Variants in CYSLTR1 observed in about 807,000 individuals in gnomAD.
The protein encoded by CYSLTR1 is cysteinyl leukotriene receptor 1.
CYSLTR1 carries 1 observed loss-of-function variant against 2.1 expected under a neutral mutation model. The observed-to-expected ratio is 0.48, with a 90% CI of 0.17 to 2.28. The LOEUF (loss-of-function observed/expected upper bound fraction) is 2.28, where lower values mean the gene tolerates loss of function less well. Ranked by LOEUF, CYSLTR1 falls within the 30% of genes most tolerant of loss-of-function variation. The pLI is 0.26. For synonymous variants in CYSLTR1, 110 were observed against 89.6 expected, an observed-to-expected ratio of 1.23 and a Z score of -1.28; for missense variants, 299 against 250.1, an observed-to-expected ratio of 1.20 and a Z score of -1.32.
rs1921326644 is a variant in CYSLTR1 at position 78,272,780 on chromosome X, T to A, written c.967A>T (p.Lys323Ter). The change falls in exon 3 of 3, where the codon AAG becomes TAG. Residue 323 changes from lysine (K) to a stop codon, truncating the protein, a stop_gained. Coordinates refer to ENST00000373304, the MANE Select transcript of CYSLTR1 (RefSeq NM_006639.4). LOFTEE classifies it high-confidence loss of function. ...SLSSVTYVPR[K>*]KASLPEKGEE... ...CCTTTTTCTGGCAAAGAGGCCTTCT[T>A]TCTGGGTACATAAGTCACGCTGGAC... 8.3e-7 allele frequency: 1 copy of A among 1,205,840 alleles called. No homozygotes were observed. The highest frequency in any genetic ancestry group is 1.1e-6 in the Non-Finnish European group (1 of 893,633).
chrX:78,326,238 T>A (rs987193962), intron 1 of CYSLTR1, among the ~76,000 whole-genome samples: 19 of 112,238 alleles, frequency 1.7e-4, no homozygotes, highest in African/African-American at 6.1e-4. Context: ...AGAAAACATT[T>A]CTGAATGATT....
chrX:78,284,648 C>A (rs975125852), intron 1 of CYSLTR1, among the ~76,000 whole-genome samples: 1 of 109,424 alleles, frequency 9.1e-6, no homozygotes, highest in South Asian at 4.0e-4. Flanking sequence ...GTGATCTGCT[C>A]GCTTCAGCCT....
At chrX:78,305,209 T>G (rs2147267843) in intron 1 of CYSLTR1, among the ~76,000 whole-genome samples, 1 of 112,404 alleles carries the variant, frequency 8.9e-6, no homozygotes, top group East Asian at 2.8e-4. Flanking sequence ...AAATGAGTCC[T>G]CTTTGCCCCA....
Position 78,272,726 on chromosome X carries a change from G to A in CYSLTR1, c.*7C>T. ...TTTCATTGGTTTGGACTGGAAATGGGTTTAAACTATACTTTACATATTTCT... is the reference window on the plus strand; with the variant it reads ...TTTCATTGGTTTGGACTGGAAATGGATTTAAACTATACTTTACATATTTCT... On this transcript the variant is annotated 3_prime_UTR_variant, in exon 3 of 3. Transcript: ENST00000373304. 8.6e-7 allele frequency: 1 copy of A among 1,161,408 alleles called. No homozygotes were observed. The highest frequency in any genetic ancestry group is 1.8e-5 in the African/African-American group (1 of 56,236).
intron 1 of CYSLTR1, chrX:78,318,886 T>C (rs1340992872): frequency 1.8e-5 from 2 of 109,186 alleles, no homozygotes; most frequent in African/African-American, 3.3e-5. Context: ...TTGTTTCTTT[T>C]TTTTTTTTTT....
At chrX:78,294,150 G>A (rs1405793963) in intron 1 of CYSLTR1, among the ~76,000 whole-genome samples, 1 of 112,147 alleles carries the variant, frequency 8.9e-6, no homozygotes, top group Non-Finnish European at 1.9e-5. Flanking sequence ...TGATGATGAC[G>A]TACAGATGTG....
intron 1 of CYSLTR1, among the ~76,000 whole-genome samples, chrX:78,285,940 T>C (rs1032229360): frequency 9.0e-6 from 1 of 111,618 alleles, no homozygotes; most frequent in Non-Finnish European, 1.9e-5. Flanking sequence ...TCAAATGTGG[T>C]TGTATGATTT....
intron 2 of CYSLTR1, among the ~76,000 whole-genome samples, chrX:78,280,073 A>G (rs1017510765): frequency 1.8e-5 from 2 of 110,681 alleles, no homozygotes; most frequent in Admixed American, 1.9e-4. Flanking sequence ...CCATGTAACA[A>G]ACCTGCACAT....
intron 1 of CYSLTR1, among the ~76,000 whole-genome samples, chrX:78,314,850 A>G (rs1923348596): frequency 9.1e-6 from 1 of 109,367 alleles, no homozygotes; most frequent in Non-Finnish European, 1.9e-5. Context: ...GGCTGCAAGG[A>G]CTGCAACTCC....
intron 1 of CYSLTR1, among the ~76,000 whole-genome samples, chrX:78,290,118 C>T (rs1485161016): frequency 1.8e-5 from 2 of 111,887 alleles, no homozygotes; most frequent in African/African-American, 3.3e-5. Context: ...AGTCTTTAAT[C>T]CATCTTAATT....
chrX:78,314,637 G>A (rs1336927107), intron 1 of CYSLTR1, among the ~76,000 whole-genome samples: 7 of 111,054 alleles, frequency 6.3e-5, no homozygotes, highest in Non-Finnish European at 1.3e-4. Context: ...AAATTGTGAG[G>A]CATTGAACTC....
chrX:78,290,247 G>A (rs1489980140), intron 1 of CYSLTR1, among the ~76,000 whole-genome samples: 1 of 111,535 alleles, frequency 9.0e-6, no homozygotes, highest in Non-Finnish European at 1.9e-5. Context: ...GTTTTTGTCA[G>A]GTTTGTCAAA....
At chrX:78,311,377 A>C (rs1229394758) in intron 1 of CYSLTR1, among the ~76,000 whole-genome samples, 5 of 111,408 alleles carry the variant, frequency 4.5e-5, no homozygotes, top group Admixed American at 2.9e-4. Context: ...GGTGTAGGAG[A>C]GAAAATACAC....
At chrX:78,327,050 G>A (rs967929985) in intron 1 of CYSLTR1, among the ~76,000 whole-genome samples, 3 of 111,689 alleles carry the variant, frequency 2.7e-5, no homozygotes, top group East Asian at 5.6e-4. Flanking sequence ...GGAGGTTTGC[G>A]GAGTGTGTCT....
chrX:78,277,249 C>T (rs928474339), intron 2 of CYSLTR1, among the ~76,000 whole-genome samples: 2 of 111,054 alleles, frequency 1.8e-5, no homozygotes, highest in African/African-American at 3.3e-5. Context: ...GATCTGAGGA[C>T]CCCCTTGTTT....
chrX:78,279,993 T>C (rs1314711816), intron 2 of CYSLTR1, among the ~76,000 whole-genome samples: 2 of 110,498 alleles, frequency 1.8e-5, no homozygotes, highest in African/African-American at 6.6e-5. Flanking sequence ...AAACTACCTA[T>C]TGGGCACTAT....
chrX:78,282,114 TTTC>T (rs1921869178), intron 2 of CYSLTR1, among the ~76,000 whole-genome samples: 1 of 112,179 alleles, frequency 8.9e-6, no homozygotes, highest in African/African-American at 3.2e-5. Flanking sequence ...ACTGTCTTTT[TTTC>T]TTCTTGAAAT....
At chrX:78,316,705 TC>T (rs1418206494) in intron 1 of CYSLTR1, among the ~76,000 whole-genome samples, 6 of 111,829 alleles carry the variant, frequency 5.4e-5, no homozygotes, top group Admixed American at 2.8e-4. Context: ...CAACTGATCT[TC>T]AACAAAGCAA....
intron 1 of CYSLTR1, among the ~76,000 whole-genome samples, chrX:78,313,855 G>A (rs1261142870): frequency 1.8e-5 from 2 of 111,765 alleles, no homozygotes; most frequent in Non-Finnish European, 3.8e-5. Flanking sequence ...TAATTTAGGG[G>A]GTAGAGAGGA....
Sources: allele counts gnomAD v4.1 joint callset (sites outside exome capture counted in the v4.1 genomes callset), GRCh38; gene constraint gnomAD v4.1.1; transcripts MANE v1.5; gene names NCBI Gene and HGNC (gene_info 2026-07-23, HGNC 2026-07-21).